IPCEF1: variants seen among roughly 807,000 people sequenced by gnomAD.
IPCEF1 encodes interactor protein for cytohesin exchange factors 1.
In IPCEF1, 31 loss-of-function variants were observed where a neutral mutation model predicts 50.9. The ratio of observed to expected loss-of-function variants is 0.61; its 90% CI spans 0.46 to 0.82. The LOEUF (loss-of-function observed/expected upper bound fraction) is 0.82. Among genes scored for constraint, IPCEF1 ranks in the 40% least tolerant of loss-of-function variants. IPCEF1 has a pLI of 0.00. For synonymous variants in IPCEF1, 181 were observed against 192.0 expected, an observed-to-expected ratio of 0.94 and a Z score of 0.47; for missense variants, 458 against 514.0, an observed-to-expected ratio of 0.89 and a Z score of 1.05.
intron 1 of IPCEF1, among the ~76,000 whole-genome samples, chr6:154,336,708 A>T (rs1276329513): frequency 2.0e-5 from 3 of 152,060 alleles, no homozygotes; most frequent in African/African-American, 7.2e-5. Context: ...GTCTCAAGCT[A>T]TCCTCCTGCC....
At chr6:154,180,335 C>T (rs1562526514) in intron 10 of IPCEF1, among the ~76,000 whole-genome samples, 1 of 131,980 alleles carries the variant, frequency 7.6e-6, no homozygotes, top group Non-Finnish European at 1.6e-5. Context: ...TAGTTAGACT[C>T]AAGAAAGGAG....
chr6:154,351,298 T>A (rs1236327198), intron 1 of IPCEF1, among the ~76,000 whole-genome samples: 1 of 152,232 alleles, frequency 6.6e-6, no homozygotes, highest in Admixed American at 6.5e-5. Context: ...GACGGAACAG[T>A]CACATATCTT....
intron 9 of IPCEF1, among the ~76,000 whole-genome samples, chr6:154,200,485 C>G (rs1485069468): frequency 6.6e-6 from 1 of 152,178 alleles, no homozygotes; most frequent in Non-Finnish European, 1.5e-5. Flanking sequence ...CTTTGGAAGA[C>G]CGAGACAGGC....
At chr6:154,235,764 T>C (rs1278484864) in intron 5 of IPCEF1, among the ~76,000 whole-genome samples, 1 of 152,090 alleles carries the variant, frequency 6.6e-6, no homozygotes, top group Non-Finnish European at 1.5e-5. Context: ...CAAGAAGATA[T>C]GGAAATGGCC....
intron 1 of IPCEF1, among the ~76,000 whole-genome samples, chr6:154,301,933 C>G (rs1782807230): frequency 6.6e-6 from 1 of 152,138 alleles, no homozygotes. Flanking sequence ...GAATAAACAG[C>G]GTGGTGCCTG....
rs1475135889 is a variant in IPCEF1, at chr6:154,168,690, A to G, written c.911-577T>C. 1.3e-5 allele frequency among the ~76,000 whole-genome samples: 2 copies of G among 151,930 alleles called. No individual in the cohort carries two copies. The highest frequency in any genetic ancestry group is 2.9e-5 in the Non-Finnish European group (2 of 67,978). ...GCACAATCTTGGCTCACTGAAACCT[A>G]CACCTCCCAGGTTCAAGTGATTCTC... On this transcript the variant is annotated intron_variant, in intron 10 of 11. Transcript: ENST00000367220. This position sits in a 1 kb window ranked among gnomAD's most constrained non-coding sequence, Gnocchi z 4.1.
At position 154,167,974 on chromosome 6, in the gene IPCEF1, A is replaced by G. The variant is rs1219643650; in HGVS notation, c.1050T>C (p.Asn350=). 1 of 1,609,508 alleles carries G rather than the reference A, an allele frequency of 6.2e-7. No homozygotes were observed. The highest frequency in any genetic ancestry group is 1.7e-5 in the Admixed American group (1 of 59,878). Residue 350 remains asparagine (N), a synonymous_variant, in exon 11 of 12, where the codon AAT becomes AAC. Coordinates refer to ENST00000367220, the MANE Select transcript of IPCEF1 (RefSeq NM_001130700.2). ...LRKSFVKRCK[N]PSINEKLHKI... Reference sequence around the variant, plus strand: ...TGTGGAGTTTCTCGTTTATAGATGGATTTTTACACCGCTTAACAAAGGATT... The same window carrying G: ...TGTGGAGTTTCTCGTTTATAGATGGGTTTTTACACCGCTTAACAAAGGATT...
At chr6:154,221,232 G>C (rs1778839704) in intron 7 of IPCEF1, 25 bp downstream of exon 7, 1 of 1,581,568 alleles carries the variant, frequency 6.3e-7, no homozygotes, top group African/African-American at 1.3e-5. Context: ...ATTAAGGATG[G>C]GGTTTACCAG....
At chr6:154,262,155 C>T (rs1161949275) in intron 3 of IPCEF1, among the ~76,000 whole-genome samples, 4 of 152,092 alleles carry the variant, frequency 2.6e-5, no homozygotes, top group Non-Finnish European at 5.9e-5. Context: ...ATAAAAATAA[C>T]GGAAAAATAG....
chr6:154,278,788 TAC>T (rs756073566), intron 2 of IPCEF1, among the ~76,000 whole-genome samples: 59 of 151,500 alleles, frequency 3.9e-4, no homozygotes, highest in Non-Finnish European at 5.9e-4. Context: ...GATATAGTTT[TAC>T]ATGCAGAAAG....
At chr6:154,325,655 A>G (rs1173106724) in intron 1 of IPCEF1, among the ~76,000 whole-genome samples, 1 of 152,244 alleles carries the variant, frequency 6.6e-6, no homozygotes, top group South Asian at 2.1e-4. Context: ...TCACAGCTCT[A>G]ACATGCTCCT....
chr6:154,277,930 G>A (rs538567434), intron 2 of IPCEF1, among the ~76,000 whole-genome samples: 1 of 151,758 alleles, frequency 6.6e-6, no homozygotes, highest in East Asian at 1.9e-4. Flanking sequence ...ATCTTTACAT[G>A]CTCACTTTCC....
intron 1 of IPCEF1, among the ~76,000 whole-genome samples, chr6:154,334,838 C>T (rs1031390698): frequency 1.3e-5 from 2 of 152,122 alleles, no homozygotes; most frequent in Non-Finnish European, 2.9e-5. Flanking sequence ...ACTGATACCT[C>T]AAAATATGGT....
At chr6:154,263,324 T>A (rs1049756494) in intron 3 of IPCEF1, among the ~76,000 whole-genome samples, 1 of 147,940 alleles carries the variant, frequency 6.8e-6, no homozygotes, top group Non-Finnish European at 1.5e-5. Flanking sequence ...AGGACAATAG[T>A]GGAGGGAAGG....
intron 10 of IPCEF1, among the ~76,000 whole-genome samples, chr6:154,194,459 C>T (rs1472576430): frequency 6.6e-6 from 1 of 152,148 alleles, no homozygotes; most frequent in Non-Finnish European, 1.5e-5. Context: ...ATTCCTCTTA[C>T]CTTATTCACA....
chr6:154,274,399 A>G (rs1240072497), intron 2 of IPCEF1, among the ~76,000 whole-genome samples: 2 of 152,158 alleles, frequency 1.3e-5, no homozygotes, highest in African/African-American at 4.8e-5. Context: ...AGCCCTGACA[A>G]TCAAGGCTCA....
chr6:154,166,145 C>T (rs1208891642), intron 11 of IPCEF1, among the ~76,000 whole-genome samples: 1 of 152,228 alleles, frequency 6.6e-6, no homozygotes, highest in African/African-American at 2.4e-5. Context: ...TTTGGAGTTG[C>T]TAAGCTTTGG....
At chr6:154,287,964 C>G (rs551346091) in intron 2 of IPCEF1, among the ~76,000 whole-genome samples, 3 of 152,330 alleles carry the variant, frequency 2.0e-5, no homozygotes, top group African/African-American at 7.2e-5. Context: ...ATGCAGACAT[C>G]TTACTGCCTG....
At chr6:154,300,604 A>C (rs539100918) in intron 1 of IPCEF1, among the ~76,000 whole-genome samples, 126 of 152,212 alleles carry the variant, frequency 8.3e-4, no homozygotes, top group African/African-American at 2.9e-3. Flanking sequence ...ACACAGTAAG[A>C]CCCTGTGTCT....
Sources: allele counts gnomAD v4.1 joint callset (sites outside exome capture counted in the v4.1 genomes callset), GRCh38; gene constraint gnomAD v4.1.1; non-coding constraint Gnocchi (gnomAD v3.1); transcripts MANE v1.5; gene names NCBI Gene and HGNC (gene_info 2026-07-23, HGNC 2026-07-21).